The following MAD1L1 variants were observed in gnomAD, a reference collection of about 807,000 sequenced individuals.
MAD1L1 encodes the protein mitotic arrest deficient 1 like 1.
Under a neutral mutation model 96.9 loss-of-function variants are expected in MAD1L1, and 95 were observed. That is an observed-to-expected ratio of 0.98 (90% CI 0.83 to 1.16). The LOEUF is 1.16. MAD1L1 is among the 50% of genes most tolerant of loss of function. The pLI is 0.00. For synonymous variants in MAD1L1, 473 were observed against 396.6 expected, an observed-to-expected ratio of 1.19 and a Z score of -2.29; for missense variants, 1,007 against 954.4, an observed-to-expected ratio of 1.06 and a Z score of -0.73.
intron 10 of MAD1L1, among the ~76,000 whole-genome samples, chr7:2,157,197 T>C (rs1789889860): frequency 6.6e-6 from 1 of 152,208 alleles, no homozygotes; most frequent in South Asian, 2.1e-4. Flanking sequence ...TGCTAAGTAA[T>C]ACAATATTTT....
chr7:2,190,331 C>T (rs1791658926), intron 10 of MAD1L1, among the ~76,000 whole-genome samples: 1 of 152,086 alleles, frequency 6.6e-6, no homozygotes, highest in South Asian at 2.1e-4. Flanking sequence ...GGCAGGAAAG[C>T]GACCCTCAAC....
chr7:1,986,981 A>C lies in MAD1L1; in HGVS notation c.1417-6440T>G, dbSNP rs1584003425. On this transcript the variant is annotated intron_variant, in intron 14 of 18. Coordinates refer to ENST00000265854, the MANE Select transcript of MAD1L1 (RefSeq NM_001013836.2). ...CCGCCAGGCCAGCTCTCACCCCTAC[A>C]TCCCCCTCCAGGCCCATGGCACAGG... 4.7e-5 allele frequency among the ~76,000 whole-genome samples: 7 copies of C among 150,058 alleles called. No individual in the cohort carries two copies. The South Asian group carries it at 1.5e-3, about 32-fold the overall frequency.
At chr7:1,860,924 A>G (rs1436406113) in intron 18 of MAD1L1, among the ~76,000 whole-genome samples, 1 of 152,170 alleles carries the variant, frequency 6.6e-6, no homozygotes, top group Non-Finnish European at 1.5e-5. Flanking sequence ...CGGCCGTCAA[A>G]TCTCCCACCC....
At chr7:2,205,689 C>G (rs1792563568) in intron 10 of MAD1L1, among the ~76,000 whole-genome samples, 1 of 152,236 alleles carries the variant, frequency 6.6e-6, no homozygotes, top group South Asian at 2.1e-4. Flanking sequence ...TGCTGCCACA[C>G]CTGCCGTTCT....
chr7:1,903,013 T>G (rs1787353427), intron 17 of MAD1L1, among the ~76,000 whole-genome samples: 1 of 150,822 alleles, frequency 6.6e-6, no homozygotes, highest in African/African-American at 2.5e-5. Context: ...TCATGATTGA[T>G]GAAGCACTGT....
chr7:2,228,869 TAGCTGGGACTACAGGTGCCACGCCC>T (rs1794051044), intron 3 of MAD1L1, among the ~76,000 whole-genome samples: 1 of 151,852 alleles, frequency 6.6e-6, no homozygotes, highest in African/African-American at 2.4e-5. Context: ...GCCTCCCGAG[TAGCTGGGACTACAGGTGCCACGCCC>T]AGCTAATTTT....
chr7:2,111,946 C>T (rs988168325), intron 11 of MAD1L1, among the ~76,000 whole-genome samples: 2 of 152,228 alleles, frequency 1.3e-5, no homozygotes, highest in Non-Finnish European at 2.9e-5. Context: ...TTAGATCATA[C>T]AAAGCCAACA....
intron 18 of MAD1L1, among the ~76,000 whole-genome samples, chr7:1,823,967 C>T (rs1267985785): frequency 6.6e-6 from 1 of 152,174 alleles, no homozygotes; most frequent in Non-Finnish European, 1.5e-5. Context: ...AGGAAAGGAG[C>T]CCTCGGGGGA....
At position 1,891,829 on chromosome 7, in the gene MAD1L1, C is replaced by T. The variant is rs148673915; in HGVS notation, c.1998+6371G>A. On this transcript the variant is annotated intron_variant, in intron 18 of 18. Transcript: ENST00000265854. ...CTCCTGGGCTCAAGCGATCCCCCCA[C>T]TTCAGCCTCCCCAAATGTTAGGATT... Among the ~76,000 whole-genome samples the T allele has an allele frequency of 1.9e-3, 285 of 152,340 alleles. 2 individuals are homozygous for T. The highest frequency in any genetic ancestry group is 6.4e-3 in the African/African-American group (267 of 41,570).
chr7:2,050,552 G>A (rs1272124985), intron 12 of MAD1L1, among the ~76,000 whole-genome samples: 1 of 152,186 alleles, frequency 6.6e-6, no homozygotes, highest in Non-Finnish European at 1.5e-5. Flanking sequence ...TCACCGGCCT[G>A]GAGAAAGTCC....
intron 11 of MAD1L1, among the ~76,000 whole-genome samples, chr7:2,095,892 GGA>G (rs1255418707): frequency 5.3e-5 from 8 of 152,376 alleles, no homozygotes; most frequent in Admixed American, 5.2e-4. Flanking sequence ...GGTGCCTGAA[GGA>G]GAGAGGCGAG....
intron 13 of MAD1L1, among the ~76,000 whole-genome samples, chr7:2,008,188 C>T (rs1041692576): frequency 1.3e-5 from 2 of 152,224 alleles, no homozygotes; most frequent in Non-Finnish European, 2.9e-5. Flanking sequence ...GAACCACACT[C>T]ACAAGGGCGA....
chr7:2,003,889 AC>A (rs986421347), intron 13 of MAD1L1, among the ~76,000 whole-genome samples: 3 of 152,134 alleles, frequency 2.0e-5, no homozygotes, highest in African/African-American at 7.2e-5. Context: ...AGCCAGCTGA[AC>A]CCTGGATAAT....
At chr7:2,034,563 A>G (rs1352115133) in intron 12 of MAD1L1, among the ~76,000 whole-genome samples, 6 of 152,226 alleles carry the variant, frequency 3.9e-5, no homozygotes, top group Non-Finnish European at 8.8e-5. Flanking sequence ...CGTACAGCCA[A>G]AAAAGATTTT....
intron 18 of MAD1L1, among the ~76,000 whole-genome samples, chr7:1,855,226 C>T (rs560985520): frequency 9.7e-4 from 148 of 152,206 alleles, no homozygotes; most frequent in African/African-American, 3.4e-3. Flanking sequence ...GTGTCTCTGC[C>T]GCAGTGGCAG....
chr7:1,948,306 G>A (rs1038188594), intron 16 of MAD1L1, among the ~76,000 whole-genome samples: 69 of 150,092 alleles, frequency 4.6e-4, no homozygotes, highest in African/African-American at 1.5e-3. Flanking sequence ...CCCAGCAAAC[G>A]CCCCCCATGA....
intron 18 of MAD1L1, among the ~76,000 whole-genome samples, chr7:1,822,727 A>ATT (rs146496198): frequency 3.7e-5 from 5 of 134,552 alleles, no homozygotes; most frequent in East Asian, 2.1e-4. Context: ...CCCGGCCAGC[A>ATT]TTTTTTTTTT....
rs1354271492 is a variant in MAD1L1 at position 1,815,845 on chromosome 7, C to T, written c.*225G>A. On this transcript the variant is annotated 3_prime_UTR_variant, in exon 19 of 19. Coordinates refer to ENST00000265854, the MANE Select transcript of MAD1L1 (RefSeq NM_001013836.2). ...AAGGTGAGGAACCCAGGCTGGTGGCCGACGCCCACACACCAGGCTCCGGGA... is the reference window on the plus strand; with the variant it reads ...AAGGTGAGGAACCCAGGCTGGTGGCTGACGCCCACACACCAGGCTCCGGGA... 9 of 540,906 alleles carry T rather than the reference C, an allele frequency of 1.7e-5. No homozygotes were observed. The highest frequency in any genetic ancestry group is 7.6e-5 in the South Asian group (3 of 39,446). The allele number at this position is 540,906 out of a possible 1,614,324, so 33.5% of individuals were successfully genotyped here. A position where few individuals can be genotyped will look rare whatever the true frequency, so the allele number is the denominator to read the frequency against.
intron 12 of MAD1L1, among the ~76,000 whole-genome samples, chr7:2,028,374 G>A (rs964086746): frequency 4.8e-5 from 7 of 145,442 alleles, no homozygotes; most frequent in Admixed American, 1.4e-4. Context: ...GCAGTGAGCC[G>A]AGATCATGCC....
Sources: gnomAD v4.1 joint callset for allele counts (sites outside exome capture counted in the v4.1 genomes callset) on GRCh38, gnomAD v4.1.1 for gene constraint, MANE v1.5 for transcripts, NCBI Gene and HGNC (gene_info 2026-07-23, HGNC 2026-07-21) for gene names.